The following NTN4 variants were observed in gnomAD, a reference collection of about 807,000 sequenced individuals.
The protein encoded by NTN4 is netrin 4.
Under a neutral mutation model 73.6 loss-of-function variants are expected in NTN4, and 32 were observed. The ratio of observed to expected loss-of-function variants is 0.44; its 90% CI spans 0.33 to 0.58. NTN4 has a LOEUF of 0.58. Ranked by LOEUF, NTN4 falls within the 20% of genes least tolerant of loss-of-function variation. The probability of loss-of-function intolerance (pLI) is 0.04; values close to 1 mark genes in which losing one functional copy is unlikely to be tolerated. For synonymous variants in NTN4, 258 were observed against 287.5 expected (o/e 0.90, Z 1.04); for missense variants, 654 against 798.3 (o/e 0.82, Z 2.18).
chr12:95,704,018 TTG>T (rs2078505974), intron 5 of NTN4, among the ~76,000 whole-genome samples: 1 of 152,080 alleles, frequency 6.6e-6, no homozygotes, highest in Non-Finnish European at 1.5e-5. Flanking sequence ...GCCTCGAATT[TTG>T]GAGGCTCAAG....
In NTN4 at chr12:95,732,396, CTTTTTTT is replaced by C. The variant is rs35575824; in HGVS notation, c.864+5463_864+5469del. ...TTCTTTTCTCTCTCTCTTTCTTCCTCTTTTTTTTTTTTTTTTTTTTTTCCAGACAAGA... is the reference window on the plus strand; with the variant it reads ...TTCTTTTCTCTCTCTCTTTCTTCCTCTTTTTTTTTTTTTTTCCAGACAAGA... On this transcript the variant is annotated intron_variant, in intron 3 of 9. Transcript: ENST00000343702. Among the ~76,000 whole-genome samples the C allele has an allele frequency of 1.4e-3, 162 of 112,842 alleles. 2 individuals carry two copies. Among genetic ancestry groups the C allele is most frequent in the African/African-American group, 5.1e-3 (142 of 28,006 alleles). The allele number at this position is 112,842 out of a possible 152,430, so 74.0% of individuals were successfully genotyped here. A position where few individuals can be genotyped will look rare whatever the true frequency, so the allele number is the denominator to read the frequency against.
intron 5 of NTN4, among the ~76,000 whole-genome samples, chr12:95,687,302 A>G (rs1592664963): frequency 6.6e-6 from 1 of 152,266 alleles, no homozygotes; most frequent in Admixed American, 6.5e-5. Context: ...CACTTTGAAA[A>G]GCAAATGACT....
chr12:95,720,702 ATAAGGGG>A (rs893982175), intron 3 of NTN4, among the ~76,000 whole-genome samples: 3 of 152,148 alleles, frequency 2.0e-5, no homozygotes, highest in Non-Finnish European at 4.4e-5. Context: ...ATTGCTTCCT[ATAAGGGG>A]TATACAGGTT....
At chr12:95,748,476 C>CTTTTT (rs762351453) in intron 2 of NTN4, among the ~76,000 whole-genome samples, 70 of 105,910 alleles carry the variant, frequency 6.6e-4, no homozygotes, top group African/African-American at 8.4e-4. Flanking sequence ...ATTTTCTTTT[C>CTTTTT]TTTTTTTTTT....
chr12:95,723,018 T>C (rs1304434614), intron 3 of NTN4, among the ~76,000 whole-genome samples: 3 of 143,902 alleles, frequency 2.1e-5, no homozygotes, highest in Non-Finnish European at 4.6e-5. Flanking sequence ...TTTAAAACTA[T>C]ATAATTGGCT....
intron 9 of NTN4, among the ~76,000 whole-genome samples, chr12:95,659,771 T>C (rs2078122009): frequency 6.6e-6 from 1 of 152,198 alleles, no homozygotes; most frequent in Admixed American, 6.5e-5. Context: ...GTTTTGCAAA[T>C]GAGGAAACTG....
intron 7 of NTN4, among the ~76,000 whole-genome samples, chr12:95,671,769 A>G (rs534091047): frequency 3.3e-5 from 5 of 152,286 alleles, no homozygotes; most frequent in Non-Finnish European, 7.4e-5. Context: ...GACAATGGCT[A>G]TATCTTATCA....
intron 2 of NTN4, among the ~76,000 whole-genome samples, chr12:95,753,384 T>A (rs2078924660): frequency 6.8e-6 from 1 of 147,896 alleles, no homozygotes; most frequent in Non-Finnish European, 1.5e-5. Context: ...ACTGGCAAAT[T>A]AGCTTTACTC....
chr12:95,711,146 C>T (rs1046083633), intron 4 of NTN4, among the ~76,000 whole-genome samples: 4 of 152,100 alleles, frequency 2.6e-5, no homozygotes, highest in South Asian at 2.1e-4. Context: ...TTCCTGATTT[C>T]AATAGGTTAC....
At chr12:95,717,963 G>C (rs1028028268) in intron 3 of NTN4, among the ~76,000 whole-genome samples, 2 of 152,062 alleles carry the variant, frequency 1.3e-5, no homozygotes, top group African/African-American at 4.8e-5. Context: ...TTTCACACTC[G>C]TATTTAATTG....
chr12:95,733,212 C>T (rs1565900360), intron 3 of NTN4, among the ~76,000 whole-genome samples: 1 of 152,210 alleles, frequency 6.6e-6, no homozygotes, highest in Non-Finnish European at 1.5e-5. Flanking sequence ...TGTAAAATCA[C>T]CAGCTGCTAG....
chr12:95,788,483 C>T (rs538856479), intron 1 of NTN4, among the ~76,000 whole-genome samples: 2 of 152,176 alleles, frequency 1.3e-5, no homozygotes, highest in East Asian at 3.9e-4. Context: ...ATTGTGAATA[C>T]CTTAAGCAAA....
At chr12:95,694,079 T>G (rs879419856) in intron 5 of NTN4, among the ~76,000 whole-genome samples, 24 of 144,400 alleles carry the variant, frequency 1.7e-4, no homozygotes, top group Non-Finnish European at 3.3e-4. Flanking sequence ...GAGTGATCTG[T>G]GATCTTAAGC....
chr12:95,756,893 G>A (rs778127501), intron 2 of NTN4, among the ~76,000 whole-genome samples: 4 of 151,594 alleles, frequency 2.6e-5, no homozygotes, highest in Non-Finnish European at 4.4e-5. Flanking sequence ...CACCCATTCC[G>A]CTCCCACCCT....
chr12:95,717,655 G>A (rs1368999561), intron 3 of NTN4, among the ~76,000 whole-genome samples: 1 of 148,736 alleles, frequency 6.7e-6, no homozygotes. Context: ...GTAAAACTAG[G>A]TCTTCATTGA....
In NTN4 at chr12:95,673,125, C is replaced by T. The variant is rs2078246939; in HGVS notation, c.1511-2979G>A. On this transcript the variant is annotated intron_variant, in intron 7 of 9. Transcript: ENST00000343702. ...CACCCTCCTTGCCTGGTGTGTCCCT[C>T]TGCTCATCCCTCCTGCACACGCCAC... is the stretch of plus-strand genomic sequence containing the variant. 3 of 905,720 alleles carry T rather than the reference C, an allele frequency of 3.3e-6. No individual in the cohort carries two copies. In the East Asian group the frequency reaches 9.2e-5, roughly 28 times the overall value. The allele number at this position is 905,720 out of a possible 1,614,324, so 56.1% of individuals were successfully genotyped here.
chr12:95,779,164 T>C (rs2079115054), intron 2 of NTN4, among the ~76,000 whole-genome samples: 1 of 152,128 alleles, frequency 6.6e-6, no homozygotes, highest in Non-Finnish European at 1.5e-5. Flanking sequence ...TATCTCAAAA[T>C]AATAAGAGCT....
chr12:95,670,683 A>C (rs1194002245), intron 7 of NTN4: 4 of 152,270 alleles, frequency 2.6e-5, no homozygotes, highest in Non-Finnish European at 4.4e-5. Context: ...TAAGGCTTGC[A>C]ATTCAGTAAG....
intron 2 of NTN4, 80 bp from the exon 3 acceptor site, chr12:95,738,224 T>G: frequency 7.8e-7 from 1 of 1,277,340 alleles, no homozygotes; most frequent in Non-Finnish European, 1.1e-6. Flanking sequence ...AGTCCCTGTT[T>G]GATTTATGCC....
Sources: gnomAD v4.1 joint callset for allele counts (sites outside exome capture counted in the v4.1 genomes callset) on GRCh38, gnomAD v4.1.1 for gene constraint, MANE v1.5 for transcripts, NCBI Gene and HGNC (gene_info 2026-07-23, HGNC 2026-07-21) for gene names.